The following ANKRD44 variants were observed in gnomAD, a reference collection of about 807,000 sequenced individuals.
The protein encoded by ANKRD44 is ankyrin repeat domain 44.
A neutral mutation model predicts 116.0 loss-of-function variants in ANKRD44; 35 were observed. The observed-to-expected ratio is 0.30, with a 90% CI of 0.23 to 0.40. ANKRD44 has a LOEUF of 0.40. Among genes scored for constraint, ANKRD44 ranks in the 10% least tolerant of loss-of-function variants. ANKRD44 has a pLI of 1.00. For missense variants in ANKRD44, 1,014 were observed against 1,242.6 expected (o/e 0.82, Z 2.77); for synonymous variants, 435 against 461.8 (o/e 0.94, Z 0.74).
intron 1 of ANKRD44, chr2:197,262,983 T>G (rs1447176326): frequency 5.1e-6 from 1 of 197,300 alleles, no homozygotes; most frequent in Non-Finnish European, 1.1e-5. Flanking sequence ...AAACAATACA[T>G]TAAGCAAGAT....
chr2:196,995,175 C>A, intron 26 of ANKRD44: 2 of 355,380 alleles, frequency 5.6e-6, no homozygotes, highest in South Asian at 1.3e-4. Context: ...GAAGACATAT[C>A]AAAAGAAGGA....
intron 3 of ANKRD44, among the ~76,000 whole-genome samples, chr2:197,138,609 G>A (rs896075898): frequency 1.1e-4 from 17 of 152,088 alleles, no homozygotes; most frequent in Admixed American, 7.9e-4. Flanking sequence ...CCAACACTCT[G>A]GATTCAAACC....
At chr2:197,091,548 A>G (rs1267751384) in intron 10 of ANKRD44, among the ~76,000 whole-genome samples, 2 of 152,164 alleles carry the variant, frequency 1.3e-5, no homozygotes, top group African/African-American at 2.4e-5. Context: ...TTGTAGAGAC[A>G]GGGTTTTGCC....
At chr2:197,208,886 A>G (rs1004454881) in intron 1 of ANKRD44, among the ~76,000 whole-genome samples, 1 of 152,380 alleles carries the variant, frequency 6.6e-6, no homozygotes, top group Non-Finnish European at 1.5e-5. Flanking sequence ...TTGGAGAAGA[A>G]TAACCTGAAA....
chr2:196,978,767 A>C (rs576596794), intron 21 of ANKRD44, among the ~76,000 whole-genome samples: 1 of 152,026 alleles, frequency 6.6e-6, no homozygotes, highest in South Asian at 2.1e-4. Context: ...ATGTTATGTC[A>C]ATTATATCTC....
At chr2:197,207,083 C>T (rs1224135154) in intron 1 of ANKRD44, among the ~76,000 whole-genome samples, 3 of 152,148 alleles carry the variant, frequency 2.0e-5, no homozygotes, top group Middle Eastern at 3.4e-3. Context: ...TAAATGTGGC[C>T]GTGCACTAAA....
chr2:196,998,823 T>C, intron 24 of ANKRD44, 84 bp downstream of exon 24: 3 of 1,564,292 alleles, frequency 1.9e-6, no homozygotes, highest in Non-Finnish European at 2.6e-6. Context: ...GTGTATATAC[T>C]ATGAGAACAA....
intron 1 of ANKRD44, among the ~76,000 whole-genome samples, chr2:197,206,814 T>A (rs1004739310): frequency 6.6e-6 from 1 of 152,112 alleles, no homozygotes; most frequent in African/African-American, 2.4e-5. Flanking sequence ...TCATCAATTG[T>A]CAAAGAGTCA....
At chr2:197,238,700 CT>C (rs928543019) in intron 1 of ANKRD44, among the ~76,000 whole-genome samples, 24 of 147,326 alleles carry the variant, frequency 1.6e-4, no homozygotes, top group South Asian at 6.5e-4. Flanking sequence ...TTCCATCTAT[CT>C]TTTTTTTTTT....
chr2:197,205,065 G>T (rs1173389453), intron 1 of ANKRD44, among the ~76,000 whole-genome samples: 3 of 152,234 alleles, frequency 2.0e-5, no homozygotes, highest in Non-Finnish European at 4.4e-5. Flanking sequence ...TGGGTCAGAA[G>T]TTGGACTAGG....
intron 1 of ANKRD44, among the ~76,000 whole-genome samples, chr2:197,262,829 C>T (rs938243084): frequency 6.6e-6 from 1 of 152,054 alleles, no homozygotes; most frequent in East Asian, 1.9e-4. Flanking sequence ...CGCTTTAACC[C>T]AGGAGGCAGA....
At chr2:197,005,095 G>A (rs1313608058) in intron 21 of ANKRD44, among the ~76,000 whole-genome samples, 1 of 151,994 alleles carries the variant, frequency 6.6e-6, no homozygotes, top group African/African-American at 2.4e-5. Context: ...AATTATGAAA[G>A]ATGCACACAA....
intron 9 of ANKRD44, among the ~76,000 whole-genome samples, chr2:197,101,253 T>C (rs1197419457): frequency 2.6e-5 from 4 of 152,094 alleles, no homozygotes; most frequent in Non-Finnish European, 5.9e-5. Context: ...AAGTTTCTCA[T>C]GTCGTTGATA....
intron 1 of ANKRD44, chr2:197,302,179 C>A: frequency 6.5e-6 from 1 of 152,922 alleles, no homozygotes; most frequent in Non-Finnish European, 1.5e-5. Flanking sequence ...CAAGGCTGGA[C>A]AGTTGAGTGG....
intron 16 of ANKRD44, among the ~76,000 whole-genome samples, chr2:197,038,443 G>A (rs2076847339): frequency 6.6e-6 from 1 of 152,134 alleles, no homozygotes; most frequent in South Asian, 2.1e-4. Context: ...ACTGAAAAAT[G>A]GTCTAGGGTT....
intron 3 of ANKRD44, among the ~76,000 whole-genome samples, chr2:197,137,034 A>G (rs2125391873): frequency 6.6e-6 from 1 of 152,312 alleles, no homozygotes; most frequent in African/African-American, 2.4e-5. Flanking sequence ...AGCTCTATGA[A>G]GCCATGCCAT....
Position 197,150,457 on chromosome 2 carries a change from G to A in ANKRD44, c.112-3352C>T, listed in dbSNP as rs1007687008. The stretch of plus-strand genomic sequence containing the variant: ...CCAGCTACTTGGGAGGCTGAGGCAG[G>A]AGAATGGCATGAACCCGGGAGGCGG... On this transcript the variant is annotated intron_variant, in intron 2 of 27. Transcript: ENST00000282272. 3.3e-5 allele frequency among the ~76,000 whole-genome samples: 5 copies of A among 152,122 alleles called. No individual in the cohort carries two copies. In the South Asian group the frequency reaches 8.3e-4, roughly 25 times the overall value.
At chr2:197,102,159 G>T (rs1420390766) in intron 9 of ANKRD44, among the ~76,000 whole-genome samples, 1 of 151,900 alleles carries the variant, frequency 6.6e-6, no homozygotes, top group Non-Finnish European at 1.5e-5. Context: ...CCTGATTTTT[G>T]TACAGTTTTA....
intron 2 of ANKRD44, among the ~76,000 whole-genome samples, 183 bp downstream of exon 2, chr2:197,186,840 A>C (rs1346745229): frequency 6.6e-6 from 1 of 151,892 alleles, no homozygotes; most frequent in Non-Finnish European, 1.5e-5. Context: ...ACTGTATCTC[A>C]ATAACTGATT....
Sources: gnomAD v4.1 joint callset for allele counts (sites outside exome capture counted in the v4.1 genomes callset) on GRCh38, gnomAD v4.1.1 for gene constraint, MANE v1.5 for transcripts, NCBI Gene and HGNC (gene_info 2026-07-23, HGNC 2026-07-21) for gene names.